The following MMP16 variants were observed in gnomAD, a reference collection of about 807,000 sequenced individuals.
The protein encoded by MMP16 is matrix metalloproteinase-16.
MMP16 carries 12 observed loss-of-function variants against 67.8 expected under a neutral mutation model. The ratio of observed to expected loss-of-function variants is 0.18; its 90% CI spans 0.11 to 0.29. MMP16 has a LOEUF of 0.29. MMP16 is among the 10% of genes least tolerant of loss of function. The probability of loss-of-function intolerance (pLI) is 1.00; values close to 1 mark genes in which losing one functional copy is unlikely to be tolerated. For synonymous variants in MMP16, 249 were observed against 255.9 expected, an observed-to-expected ratio of 0.97 and a Z score of 0.26; for missense variants, 475 against 765.7, an observed-to-expected ratio of 0.62 and a Z score of 4.48.
At chr8:88,199,721 ATGTG>A (rs1398804428) in intron 1 of MMP16, among the ~76,000 whole-genome samples, 2 of 152,002 alleles carry the variant, frequency 1.3e-5, no homozygotes, top group Non-Finnish European at 2.9e-5. Flanking sequence ...GTGAGTATGT[ATGTG>A]TATCTGTAAA....
intron 4 of MMP16, among the ~76,000 whole-genome samples, chr8:88,159,182 G>GT (rs1808569106): frequency 6.6e-6 from 1 of 152,160 alleles, no homozygotes; most frequent in Non-Finnish European, 1.5e-5. Context: ...CTTTAAACTA[G>GT]TTTTTTCCAA....
rs149562408 is a variant in MMP16 at position 88,285,600 on chromosome 8, T to C, written c.132+41475A>G. On this transcript the variant is annotated intron_variant, in intron 1 of 9. Transcript: ENST00000286614. ...GGAAAATCCCTTGAATCATGTTAGA[T>C]ACCATGCCCCTTCTTGCCTTACTGA... Among the ~76,000 whole-genome samples, 811 of 152,318 alleles carry C rather than the reference T, an allele frequency of 5.3e-3. 9 individuals carry two copies. Among genetic ancestry groups the C allele is most frequent in the African/African-American group, 0.019 (774 of 41,572 alleles).
chr8:88,093,875 A>G (rs182391610), intron 6 of MMP16, among the ~76,000 whole-genome samples: 8 of 151,826 alleles, frequency 5.3e-5, no homozygotes, highest in Non-Finnish European at 1.0e-4. Context: ...TAGCAATTTC[A>G]ATGACACTAT....
At chr8:88,105,654 TAAG>T in intron 6 of MMP16, among the ~76,000 whole-genome samples, 1 of 151,528 alleles carries the variant, frequency 6.6e-6, no homozygotes, top group East Asian at 2.0e-4. Flanking sequence ...AGTGAATACT[TAAG>T]AAAACACTTT....
intron 2 of MMP16, among the ~76,000 whole-genome samples, chr8:88,190,821 C>T (rs1249377639): frequency 6.6e-6 from 1 of 151,930 alleles, no homozygotes; most frequent in Non-Finnish European, 1.5e-5. Context: ...TATTTTCAGG[C>T]AGTACTTTTT....
At chr8:88,323,494 C>A (rs750558427) in intron 1 of MMP16, among the ~76,000 whole-genome samples, 88 of 152,088 alleles carry the variant, frequency 5.8e-4, no homozygotes, top group Non-Finnish European at 9.0e-4. Flanking sequence ...TAATCAGGAA[C>A]AACAAAATCA....
At chr8:88,181,429 T>G (rs1216495673) in intron 3 of MMP16, among the ~76,000 whole-genome samples, 1 of 151,818 alleles carries the variant, frequency 6.6e-6, no homozygotes, top group South Asian at 2.1e-4. Context: ...ATAATACCAT[T>G]TAAATTAGCA....
intron 6 of MMP16, among the ~76,000 whole-genome samples, chr8:88,101,217 A>G (rs1024602214): frequency 2.6e-5 from 4 of 151,916 alleles, no homozygotes; most frequent in Non-Finnish European, 5.9e-5. Context: ...TCCTAAACCT[A>G]GGCTTTTCTG....
intron 6 of MMP16, among the ~76,000 whole-genome samples, chr8:88,103,655 C>A (rs1326889489): frequency 1.3e-5 from 2 of 151,756 alleles, no homozygotes; most frequent in Non-Finnish European, 2.9e-5. Context: ...CCTTTTATGG[C>A]TAATAATTTA....
At position 88,265,223 on chromosome 8, in the gene MMP16, CTTT is replaced by C. The variant is rs398008661; in HGVS notation, c.132+61849_132+61851del. Among the ~76,000 whole-genome samples the C allele has an allele frequency of 1.3e-3, 128 of 100,754 alleles. 2 individuals carry two copies. Among genetic ancestry groups the C allele is most frequent in the South Asian group, 2.9e-3 (8 of 2,736 alleles). 66.1% of individuals were successfully genotyped at this position (100,754 alleles called of 152,430 possible). A position where few individuals can be genotyped will look rare whatever the true frequency, so the allele number is the denominator to read the frequency against. On this transcript the variant is annotated intron_variant, in intron 1 of 9. Transcript: ENST00000286614. ...AACTAAGGGTAGAAATGACCATTTC[CTTT>C]TTTTTTTTTTTTTTTTTCAGATACA...
At chr8:88,126,487 C>T (rs184398020) in intron 4 of MMP16, among the ~76,000 whole-genome samples, 14 of 151,872 alleles carry the variant, frequency 9.2e-5, no homozygotes, top group Admixed American at 3.9e-4. Context: ...GAGGGTCTAG[C>T]GTATAACATG....
chr8:88,077,733 T>C (rs191253996), intron 6 of MMP16, among the ~76,000 whole-genome samples: 213 of 152,284 alleles, frequency 1.4e-3, no homozygotes, highest in Non-Finnish European at 2.1e-3. Context: ...GTTTTAAAAT[T>C]ACATCTCAGT....
chr8:88,258,798 C>T (rs2129942657), intron 1 of MMP16, among the ~76,000 whole-genome samples: 1 of 152,226 alleles, frequency 6.6e-6, no homozygotes. Context: ...ACAGAGAAGA[C>T]ACAGTATAAA....
chr8:88,122,254 C>T (rs1807852128), intron 4 of MMP16, among the ~76,000 whole-genome samples: 1 of 151,080 alleles, frequency 6.6e-6, no homozygotes, highest in Non-Finnish European at 1.5e-5. Context: ...TGTTGAAACT[C>T]AGCATTTTTT....
chr8:88,066,439 C>A (rs1240528052), intron 7 of MMP16, among the ~76,000 whole-genome samples: 3 of 151,966 alleles, frequency 2.0e-5, no homozygotes, highest in Non-Finnish European at 2.9e-5. Flanking sequence ...TTTTCTATTT[C>A]TGGGTCTCTC....
intron 4 of MMP16, among the ~76,000 whole-genome samples, chr8:88,158,612 G>C (rs574754315): frequency 4.9e-4 from 75 of 152,250 alleles, no homozygotes; most frequent in African/African-American, 1.7e-3. Context: ...CCATTCTGTA[G>C]GTTGCCTGTT....
At chr8:88,284,684 A>G (rs898861595) in intron 1 of MMP16, among the ~76,000 whole-genome samples, 3 of 152,138 alleles carry the variant, frequency 2.0e-5, no homozygotes, top group Non-Finnish European at 4.4e-5. Context: ...CTATTTACTC[A>G]CCATGTACAC....
intron 6 of MMP16, among the ~76,000 whole-genome samples, chr8:88,081,018 T>C (rs775942682): frequency 6.6e-6 from 1 of 152,108 alleles, no homozygotes; most frequent in Non-Finnish European, 1.5e-5. Flanking sequence ...CTCTGCTGGA[T>C]GCTCTCCACT....
intron 1 of MMP16, among the ~76,000 whole-genome samples, chr8:88,291,951 CAT>C (rs1810931555): frequency 6.6e-6 from 1 of 152,120 alleles, no homozygotes; most frequent in Non-Finnish European, 1.5e-5. Flanking sequence ...TAGATTTACA[CAT>C]GAGAACACTG....
Sources: gnomAD v4.1 joint callset for allele counts (sites outside exome capture counted in the v4.1 genomes callset) on GRCh38, gnomAD v4.1.1 for gene constraint, MANE v1.5 for transcripts, NCBI Gene and HGNC (gene_info 2026-07-23, HGNC 2026-07-21) for gene names.